PLPP3: variants seen among roughly 807,000 people sequenced by gnomAD.
PLPP3 encodes the protein PAP2 beta.
In PLPP3, 6 loss-of-function variants were observed where a neutral mutation model predicts 29.6. That is an observed-to-expected ratio of 0.20 (90% CI 0.11 to 0.40). The LOEUF is 0.40. Ranked by LOEUF, PLPP3 falls within the 10% of genes least tolerant of loss-of-function variation. The pLI is 1.00. For synonymous variants in PLPP3, 152 were observed against 159.7 expected (o/e 0.95, Z 0.36); for missense variants, 308 against 407.7 (o/e 0.76, Z 2.11).
chr1:56,560,832 CTTTTTTTT>C (rs397860682), intron 1 of PLPP3, among the ~76,000 whole-genome samples: 2 of 89,334 alleles, frequency 2.2e-5, no homozygotes, highest in African/African-American at 8.2e-5. Flanking sequence ...ATTCAGAGTC[CTTTTTTTT>C]TTTTTTTTTT....
chr1:56,518,687 C>T (rs534196186), intron 4 of PLPP3, among the ~76,000 whole-genome samples: 114 of 142,110 alleles, frequency 8.0e-4, no homozygotes, highest in Non-Finnish European at 8.9e-4. Context: ...ATCTCTCCCC[C>T]GGGGAATTTA....
intron 1 of PLPP3, among the ~76,000 whole-genome samples, chr1:56,567,164 G>A (rs1428945329): frequency 2.6e-5 from 4 of 152,202 alleles, no homozygotes; most frequent in East Asian, 3.9e-4. Context: ...GTGGGTGAGC[G>A]GGTCTAGCTG....
In PLPP3 at chr1:56,557,019, AGAGAG is replaced by A. The variant is rs1292028039; in HGVS notation, c.140-19912_140-19908del. Among the ~76,000 whole-genome samples the A allele has an allele frequency of 9.8e-3, 140 of 14,344 alleles. 18 individuals are homozygous for A. The highest frequency in any genetic ancestry group is 0.015 in the Non-Finnish European group (83 of 5,456). The allele number at this position is 14,344 out of a possible 152,430, so 9.4% of individuals were successfully genotyped here. On this transcript the variant is annotated intron_variant, in intron 1 of 5. Coordinates refer to ENST00000371250, the MANE Select transcript of PLPP3 (RefSeq NM_003713.5). ...GAAAGAAAGAAAGAAAGAGAGAGAG[AGAGAG>A]AAAGAGAGAGAGAGAGAGAGAGAGA...
At chr1:56,568,781 T>A (rs1646178581) in intron 1 of PLPP3, among the ~76,000 whole-genome samples, 3 of 152,082 alleles carry the variant, frequency 2.0e-5, no homozygotes, top group Admixed American at 2.0e-4. Context: ...CCCACCACCA[T>A]GCCTGGCTAA....
intron 5 of PLPP3, among the ~76,000 whole-genome samples, chr1:56,501,487 A>G (rs1014019948): frequency 6.6e-6 from 1 of 152,100 alleles, no homozygotes; most frequent in African/African-American, 2.4e-5. Context: ...AAAACTCCAT[A>G]AACTTTAAGC....
intron 2 of PLPP3, among the ~76,000 whole-genome samples, chr1:56,527,715 A>G (rs554977026): frequency 6.6e-6 from 1 of 152,106 alleles, no homozygotes; most frequent in Non-Finnish European, 1.5e-5. Flanking sequence ...AGTCGACAAC[A>G]CAGCCATAAA....
intron 1 of PLPP3, among the ~76,000 whole-genome samples, chr1:56,547,302 T>C (rs1646012187): frequency 6.6e-6 from 1 of 152,200 alleles, no homozygotes; most frequent in Non-Finnish European, 1.5e-5. Context: ...AAATGTGTAC[T>C]GAATAAATGC....
In PLPP3 at chr1:56,571,529, G is replaced by A. The variant is rs139837259; in HGVS notation, c.139+7349C>T. Among the ~76,000 whole-genome samples, 508 of 152,236 alleles carry A rather than the reference G, an allele frequency of 3.3e-3. 3 individuals carry two copies. Among genetic ancestry groups the A allele is most frequent in the African/African-American group, 0.012 (480 of 41,530 alleles). ...GACATTAAAAAATGACCTTGGTATC[G>A]TTGATAATGAAATCTCCAAGGTACT... On this transcript the variant is annotated intron_variant, in intron 1 of 5. Coordinates refer to ENST00000371250, the MANE Select transcript of PLPP3 (RefSeq NM_003713.5).
intron 4 of PLPP3, among the ~76,000 whole-genome samples, chr1:56,514,416 A>C: frequency 6.6e-6 from 1 of 152,064 alleles, no homozygotes; most frequent in East Asian, 1.9e-4. Flanking sequence ...GGTGTTGGGG[A>C]AGGTGGGTGA....
intron 4 of PLPP3, among the ~76,000 whole-genome samples, chr1:56,518,798 C>T (rs1645799931): frequency 6.6e-6 from 1 of 150,762 alleles, no homozygotes; most frequent in South Asian, 2.1e-4. Flanking sequence ...AATTCTCCTG[C>T]CTTGGCCTCC....
intron 1 of PLPP3, among the ~76,000 whole-genome samples, chr1:56,540,500 C>T (rs1278779920): frequency 6.6e-6 from 1 of 152,140 alleles, no homozygotes; most frequent in East Asian, 1.9e-4. Flanking sequence ...CCTTTGCCCA[C>T]TTTTAAACTG....
At chr1:56,505,809 A>G (rs548494108) in intron 5 of PLPP3, among the ~76,000 whole-genome samples, 1 of 152,236 alleles carries the variant, frequency 6.6e-6, no homozygotes, top group African/African-American at 2.4e-5. Flanking sequence ...GAGGGAGTCA[A>G]AAGTTCTATT....
chr1:56,512,108 G>A lies in PLPP3; in HGVS notation c.678C>T (p.Leu226=). ...ARFTWRGARL[L]RPLLQFTLIM... The stretch of plus-strand genomic sequence containing the variant: ...TCAAGGTGAACTGCAGGAGGGGCCG[G>A]AGCAGGCGGGCTCCTCGCCAAGTGA... Residue 226 remains leucine, a synonymous_variant, in exon 5 of 6, where the codon CTC becomes CTT. Transcript: ENST00000371250. 2 of 1,611,142 alleles carry A rather than the reference G, an allele frequency of 1.2e-6. No homozygotes were observed. The highest frequency in any genetic ancestry group is 2.2e-5 in the East Asian group (1 of 44,708).
At chr1:56,571,829 G>T (rs1018170925) in intron 1 of PLPP3, among the ~76,000 whole-genome samples, 1 of 152,122 alleles carries the variant, frequency 6.6e-6, no homozygotes, top group Non-Finnish European at 1.5e-5. Flanking sequence ...AAGAGCTCTG[G>T]AAAAGTTGGT....
At chr1:56,521,704 G>A (rs1645820751) in intron 4 of PLPP3, among the ~76,000 whole-genome samples, 1 of 124,744 alleles carries the variant, frequency 8.0e-6, no homozygotes, top group African/African-American at 2.8e-5. Context: ...CCAGCCAAAG[G>A]AGGCTCTCCT....
chr1:56,539,964 A>G (rs748512343), intron 1 of PLPP3, among the ~76,000 whole-genome samples: 8 of 152,136 alleles, frequency 5.3e-5, no homozygotes, highest in Non-Finnish European at 1.0e-4. Context: ...AGTTCCTTAC[A>G]TTTGCACTCC....
chr1:56,570,748 T>G (rs561119759), intron 1 of PLPP3, among the ~76,000 whole-genome samples: 2 of 152,030 alleles, frequency 1.3e-5, no homozygotes, highest in East Asian at 3.9e-4. Flanking sequence ...AAAGCAAAAA[T>G]AAATAAATAA....
At chr1:56,516,464 C>A (rs951534080) in intron 4 of PLPP3, among the ~76,000 whole-genome samples, 4 of 152,160 alleles carry the variant, frequency 2.6e-5, no homozygotes, top group African/African-American at 9.7e-5. Context: ...GATCAGAATA[C>A]CCAGAGGGGC....
At chr1:56,577,926 A>T (rs538353765) in intron 1 of PLPP3, among the ~76,000 whole-genome samples, 11 of 123,750 alleles carry the variant, frequency 8.9e-5, no homozygotes, top group Non-Finnish European at 1.3e-4. Flanking sequence ...GATTCGCTTT[A>T]AAAAAAAAAA....
Sources: gnomAD v4.1 joint callset for allele counts (sites outside exome capture counted in the v4.1 genomes callset) on GRCh38, gnomAD v4.1.1 for gene constraint, MANE v1.5 for transcripts, NCBI Gene and HGNC (gene_info 2026-07-23, HGNC 2026-07-21) for gene names.